Variants in KCNH8 observed in about 807,000 individuals in gnomAD.
KCNH8 encodes the protein potassium voltage-gated channel subfamily H member 8.
KCNH8 carries 70 observed loss-of-function variants against 103.6 expected under a neutral mutation model. The observed-to-expected ratio is 0.68, with a 90% CI of 0.56 to 0.82. KCNH8 has a LOEUF of 0.82. Among genes scored for constraint, KCNH8 ranks in the 40% least tolerant of loss-of-function variants. The pLI is 0.00. For synonymous variants in KCNH8, 498 were observed against 489.4 expected (o/e 1.02, Z -0.23); for missense variants, 1,217 against 1,329.9 (o/e 0.92, Z 1.32).
intron 7 of KCNH8, among the ~76,000 whole-genome samples, chr3:19,418,595 A>G (rs1200272379): frequency 6.6e-6 from 1 of 152,210 alleles, no homozygotes; most frequent in East Asian, 1.9e-4. Context: ...CTAATTTGCC[A>G]TCCTGGACAC....
intron 5 of KCNH8, among the ~76,000 whole-genome samples, chr3:19,359,806 A>G (rs1311294922): frequency 6.6e-6 from 1 of 151,900 alleles, no homozygotes; most frequent in East Asian, 1.9e-4. Context: ...GGGAAAGAGT[A>G]TGTGTGTGTA....
chr3:19,218,718 C>G (rs1192858161), intron 1 of KCNH8, among the ~76,000 whole-genome samples: 1 of 152,190 alleles, frequency 6.6e-6, no homozygotes, highest in Non-Finnish European at 1.5e-5. Context: ...AGTCTGAGAT[C>G]AAGGTGTCAG....
At chr3:19,438,682 G>A (rs1042224272) in intron 8 of KCNH8, among the ~76,000 whole-genome samples, 6 of 152,142 alleles carry the variant, frequency 3.9e-5, no homozygotes, top group African/African-American at 1.4e-4. Context: ...AGTAAGAGGT[G>A]GCTATGTAGG....
chr3:19,515,498 ATTTT>A (rs56353870), intron 14 of KCNH8, 70 bp downstream of exon 14: 37 of 449,746 alleles, frequency 8.2e-5, no homozygotes, highest in Middle Eastern at 5.8e-4. Flanking sequence ...TGTTATGGGC[ATTTT>A]TTTTTTTTTG....
chr3:19,491,798 G>A (rs2068327901), intron 11 of KCNH8, among the ~76,000 whole-genome samples: 1 of 152,102 alleles, frequency 6.6e-6, no homozygotes, highest in African/African-American at 2.4e-5. Flanking sequence ...TACATTCCCA[G>A]CAACAGCTTT....
chr3:19,491,457 TG>T (rs1204240817), intron 11 of KCNH8, among the ~76,000 whole-genome samples: 1 of 152,252 alleles, frequency 6.6e-6, no homozygotes, highest in Non-Finnish European at 1.5e-5. Flanking sequence ...ATTAGTTTGC[TG>T]AGGATTCTTG....
At chr3:19,342,534 T>C (rs1448357926) in intron 3 of KCNH8, 53 bp from the exon 4 acceptor site, 1 of 1,560,112 alleles carries the variant, frequency 6.4e-7, no homozygotes, top group Non-Finnish European at 8.7e-7. Context: ...AATGACATTC[T>C]TGAGGTGAAA....
intron 7 of KCNH8, among the ~76,000 whole-genome samples, chr3:19,435,803 G>A (rs953871516): frequency 6.6e-6 from 1 of 152,050 alleles, no homozygotes; most frequent in Non-Finnish European, 1.5e-5. Flanking sequence ...TAACTTGCTC[G>A]CATTCCTTAT....
intron 5 of KCNH8, among the ~76,000 whole-genome samples, chr3:19,366,590 G>GT (rs1274188542): frequency 1.3e-5 from 2 of 151,826 alleles, no homozygotes; most frequent in African/African-American, 4.8e-5. Flanking sequence ...TAATGAAAGG[G>GT]TTTTTTTCCC....
At chr3:19,497,587 C>A (rs946035948) in intron 11 of KCNH8, among the ~76,000 whole-genome samples, 5 of 152,068 alleles carry the variant, frequency 3.3e-5, no homozygotes, top group African/African-American at 1.2e-4. Context: ...TGTTTTTATG[C>A]ACTGTGGTCC....
At chr3:19,249,404 C>T (rs560964186) in intron 1 of KCNH8, among the ~76,000 whole-genome samples, 34 of 152,330 alleles carry the variant, frequency 2.2e-4, no homozygotes, top group African/African-American at 7.2e-4. Context: ...AATGCAATTA[C>T]ACATCGAGGA....
At chr3:19,353,011 G>C (rs2065825973) in intron 5 of KCNH8, among the ~76,000 whole-genome samples, 1 of 151,812 alleles carries the variant, frequency 6.6e-6, no homozygotes, top group Non-Finnish European at 1.5e-5. Context: ...GAAGAAAAGA[G>C]AGAAGAATTG....
chr3:19,163,854 T>G (rs1044002128), intron 1 of KCNH8, among the ~76,000 whole-genome samples: 3 of 152,228 alleles, frequency 2.0e-5, no homozygotes, highest in African/African-American at 7.2e-5. Flanking sequence ...CTATTTTCTC[T>G]TCTTTATAAC....
chr3:19,417,901 G>GA (rs2066887642), intron 7 of KCNH8, among the ~76,000 whole-genome samples: 1 of 152,014 alleles, frequency 6.6e-6, no homozygotes, highest in Non-Finnish European at 1.5e-5. Context: ...ATAATACTAA[G>GA]AACTGACAAA....
intron 11 of KCNH8, among the ~76,000 whole-genome samples, chr3:19,461,887 A>G (rs534311452): frequency 5.3e-5 from 8 of 152,066 alleles, no homozygotes; most frequent in South Asian, 2.1e-4. Flanking sequence ...TCATTGTTCA[A>G]TTCCTACCTA....
At chr3:19,322,412 C>G (rs1400320299) in intron 3 of KCNH8, among the ~76,000 whole-genome samples, 4 of 152,068 alleles carry the variant, frequency 2.6e-5, no homozygotes, top group African/African-American at 9.7e-5. Context: ...CATCTTTTGT[C>G]TGTGTCTGGA....
intron 1 of KCNH8, among the ~76,000 whole-genome samples, chr3:19,153,631 TTTTC>T (rs2063151595): frequency 6.7e-6 from 1 of 150,276 alleles, no homozygotes; most frequent in East Asian, 2.0e-4. Flanking sequence ...TTTCTTTCTT[TTTTC>T]TTTTTTTTTT....
At chr3:19,501,477 A>T (rs1052324943) in intron 11 of KCNH8, among the ~76,000 whole-genome samples, 25 of 152,348 alleles carry the variant, frequency 1.6e-4, no homozygotes, top group African/African-American at 3.1e-4. Flanking sequence ...CAACCAAAAA[A>T]GAGAATTTTA....
intron 3 of KCNH8, among the ~76,000 whole-genome samples, chr3:19,299,223 A>G (rs1256437813): frequency 3.3e-5 from 5 of 152,230 alleles, no homozygotes; most frequent in Admixed American, 3.3e-4. Flanking sequence ...TCTAGTCGCA[A>G]TCTCACAGTC....
Sources: gnomAD v4.1 joint callset for allele counts (sites outside exome capture counted in the v4.1 genomes callset) on GRCh38, gnomAD v4.1.1 for gene constraint, MANE v1.5 for transcripts, NCBI Gene and HGNC (gene_info 2026-07-23, HGNC 2026-07-21) for gene names.